ASXL2: variants seen among roughly 807,000 people sequenced by gnomAD.
ASXL2 encodes the protein putative Polycomb group protein ASXL2.
In ASXL2, 23 loss-of-function variants were observed where a neutral mutation model predicts 122.0. That is an observed-to-expected ratio of 0.19 (90% CI 0.14 to 0.27). The LOEUF is 0.27. Ranked by LOEUF, ASXL2 falls within the 10% of genes least tolerant of loss-of-function variation. The probability of loss-of-function intolerance (pLI) is 1.00; values close to 1 mark genes in which losing one functional copy is unlikely to be tolerated. For missense variants in ASXL2, 1,518 were observed against 1,713.8 expected (o/e 0.89, Z 2.02); for synonymous variants, 650 against 637.0 (o/e 1.02, Z -0.31).
At chr2:25,761,373 A>G (rs1347122212) in intron 8 of ASXL2, among the ~76,000 whole-genome samples, 3 of 152,160 alleles carry the variant, frequency 2.0e-5, no homozygotes, top group East Asian at 3.8e-4. Context: ...GGGAACGATC[A>G]CATAAAAAGG....
rs185434826 is a variant in ASXL2, at chr2:25,798,182, G to C, written c.403+1203C>G. On this transcript the variant is annotated intron_variant, in intron 5 of 12. Coordinates refer to ENST00000435504, the MANE Select transcript of ASXL2 (RefSeq NM_018263.6). ...CTGGGGCCTTTCAGAGGGTGGTGTG[G>C]GGGAGGAGGGAGAGAATCAGGAAAA... Among the ~76,000 whole-genome samples the C allele has an allele frequency of 2.3e-3, 346 of 152,300 alleles. 2 individuals are homozygous for C. The Middle Eastern group carries it at 0.041, about 18-fold the overall frequency.
At chr2:25,858,728 A>C (rs556276376) in intron 1 of ASXL2, among the ~76,000 whole-genome samples, 1 of 152,058 alleles carries the variant, frequency 6.6e-6, no homozygotes, top group African/African-American at 2.4e-5. Flanking sequence ...CCTCAAAAAA[A>C]AAAAATTTAA....
chr2:25,814,426 C>T (rs372318032), intron 3 of ASXL2, among the ~76,000 whole-genome samples: 2 of 152,146 alleles, frequency 1.3e-5, no homozygotes, highest in African/African-American at 4.8e-5. Context: ...AGATCAATAC[C>T]AACTTAAAAG....
chr2:25,752,861 A>G (rs2088069263), intron 11 of ASXL2, among the ~76,000 whole-genome samples: 1 of 152,072 alleles, frequency 6.6e-6, no homozygotes, highest in Non-Finnish European at 1.5e-5. Context: ...AAGAAAAAAA[A>G]AAAAAAGAAC....
chr2:25,833,851 C>T (rs1374613311), intron 3 of ASXL2, among the ~76,000 whole-genome samples: 1 of 152,172 alleles, frequency 6.6e-6, no homozygotes, highest in Non-Finnish European at 1.5e-5. Context: ...GCAGAGTAGA[C>T]AATGACTAAT....
chr2:25,864,205 G>C (rs1243196898), intron 1 of ASXL2, among the ~76,000 whole-genome samples: 1 of 152,074 alleles, frequency 6.6e-6, no homozygotes, highest in African/African-American at 2.4e-5. Context: ...ACAGAGGCAA[G>C]GGCAAGATCA....
chr2:25,752,220 G>A (rs889090494), intron 11 of ASXL2, among the ~76,000 whole-genome samples: 5 of 152,194 alleles, frequency 3.3e-5, no homozygotes, highest in African/African-American at 1.2e-4. Context: ...TTGGTGTGCA[G>A]AAGGAAGGAA....
intron 3 of ASXL2, among the ~76,000 whole-genome samples, chr2:25,834,202 A>G (rs947281005): frequency 2.0e-5 from 3 of 151,898 alleles, no homozygotes; most frequent in Non-Finnish European, 4.4e-5. Flanking sequence ...AAAATACAAA[A>G]AGTAGCCGGG....
chr2:25,861,477 C>A (rs1447859259), intron 1 of ASXL2, among the ~76,000 whole-genome samples: 2 of 152,188 alleles, frequency 1.3e-5, no homozygotes, highest in Non-Finnish European at 1.5e-5. Flanking sequence ...TCATTAATAA[C>A]CTTTCAAAAC....
Position 25,756,121 on chromosome 2 carries a change from C to G in ASXL2, c.940-7G>C. On this transcript the variant is annotated splice_region_variant and splice_polypyrimidine_tract_variant and intron_variant, in intron 9 of 12. Coordinates refer to ENST00000435504, the MANE Select transcript of ASXL2 (RefSeq NM_018263.6). The stretch of plus-strand genomic sequence containing the variant: ...TTAAACCATCTGGACCAACCTGGGT[C>G]AAAGAATAAGCCAAGGAAAGCTTAC... 6.4e-7 allele frequency: 1 copy of G among 1,568,164 alleles called. No individual in the cohort carries two copies. Among genetic ancestry groups the G allele is most frequent in the Non-Finnish European group, 8.6e-7 (1 of 1,158,944 alleles).
At position 25,737,471 on chromosome 2, in the gene ASXL2, G is replaced by C. The variant is rs187229365; in HGVS notation, c.*4558C>G. On this transcript the variant is annotated 3_prime_UTR_variant, in exon 13 of 13. Transcript: ENST00000435504. ...AAAACAGATTAAGGGAGAAAACATG[G>C]AGACAGACAGATAAGGAAAATTTAA... 1.3e-5 allele frequency: 2 copies of C among 152,228 alleles called. No individual in the cohort carries two copies. The highest frequency in any genetic ancestry group is 3.9e-4 in the East Asian group (2 of 5,180). The allele number at this position is 152,228 out of a possible 1,614,324, so 9.4% of individuals were successfully genotyped here. A position where few individuals can be genotyped will look rare whatever the true frequency, so the allele number is the denominator to read the frequency against.
intron 1 of ASXL2, among the ~76,000 whole-genome samples, chr2:25,853,368 A>G (rs1169061515): frequency 6.6e-6 from 1 of 152,170 alleles, no homozygotes; most frequent in Non-Finnish European, 1.5e-5. Flanking sequence ...GCTGTTTAGC[A>G]GTTATCTACT....
intron 5 of ASXL2, among the ~76,000 whole-genome samples, chr2:25,793,278 G>A (rs2088863819): frequency 6.6e-6 from 1 of 152,160 alleles, no homozygotes; most frequent in South Asian, 2.1e-4. Context: ...TGGAACTTGA[G>A]GCTTATCAGT....
intron 9 of ASXL2, 126 bp downstream of exon 9, chr2:25,759,355 TA>T (rs1430151326): frequency 1.3e-5 from 14 of 1,051,596 alleles, no homozygotes; most frequent in South Asian, 8.4e-5. Context: ...TCCTAAGCCT[TA>T]AAAAAACCTG....
In ASXL2 at chr2:25,793,202, A is replaced by C. The variant is rs534544622; in HGVS notation, c.403+6183T>G. On this transcript the variant is annotated intron_variant, in intron 5 of 12. Coordinates refer to ENST00000435504, the MANE Select transcript of ASXL2 (RefSeq NM_018263.6). The stretch of plus-strand genomic sequence containing the variant: ...ATCTGAGATCATGCCACTGCACTCC[A>C]GCCTGGGTGACAGAGCAAGTTTCTG... Among the ~76,000 whole-genome samples, 23 of 152,242 alleles carry C rather than the reference A, an allele frequency of 1.5e-4. No homozygotes were observed. In the South Asian group the frequency reaches 4.3e-3, roughly 29 times the overall value.
chr2:25,812,352 C>T (rs1406393200), intron 3 of ASXL2, among the ~76,000 whole-genome samples: 2 of 151,780 alleles, frequency 1.3e-5, no homozygotes, highest in African/African-American at 4.8e-5. Flanking sequence ...CCCAGCTACT[C>T]GGAAGGCTGA....
intron 3 of ASXL2, among the ~76,000 whole-genome samples, chr2:25,820,666 A>G (rs962928223): frequency 1.3e-5 from 2 of 152,184 alleles, no homozygotes; most frequent in African/African-American, 4.8e-5. Flanking sequence ...CTAAAACCGG[A>G]TTATGGTGAT....
At chr2:25,869,689 C>A (rs1052735549) in intron 1 of ASXL2, among the ~76,000 whole-genome samples, 1 of 151,516 alleles carries the variant, frequency 6.6e-6, no homozygotes, top group East Asian at 1.9e-4. Context: ...TGGTGGCGTG[C>A]GCCTGTAGTG....
chr2:25,746,829 T>C (rs1307206868), intron 12 of ASXL2, among the ~76,000 whole-genome samples: 1 of 152,202 alleles, frequency 6.6e-6, no homozygotes, highest in African/African-American at 2.4e-5. Context: ...CAGGCATTGA[T>C]AACAATTTAA....
Sources: allele counts gnomAD v4.1 joint callset (sites outside exome capture counted in the v4.1 genomes callset), GRCh38; gene constraint gnomAD v4.1.1; transcripts MANE v1.5; gene names NCBI Gene and HGNC (gene_info 2026-07-23, HGNC 2026-07-21).